EXOC4: variants seen among roughly 807,000 people sequenced by gnomAD.
EXOC4 encodes the protein exocyst complex component 4, also known as SEC8-like 1.
A neutral mutation model predicts 107.2 loss-of-function variants in EXOC4; 71 were observed. The observed-to-expected ratio is 0.66, with a 90% CI of 0.55 to 0.81. The LOEUF (loss-of-function observed/expected upper bound fraction) is 0.81, where lower values mean the gene tolerates loss of function less well. Among genes scored for constraint, EXOC4 ranks in the 30% least tolerant of loss-of-function variants. EXOC4 has a pLI of 0.00. For synonymous variants in EXOC4, 456 were observed against 441.2 expected, an observed-to-expected ratio of 1.03 and a Z score of -0.42; for missense variants, 1,108 against 1,189.6, an observed-to-expected ratio of 0.93 and a Z score of 1.01.
At chr7:133,566,432 T>A (rs1346028596) in intron 9 of EXOC4, among the ~76,000 whole-genome samples, 1 of 152,186 alleles carries the variant, frequency 6.6e-6, no homozygotes, top group Non-Finnish European at 1.5e-5. Flanking sequence ...AAAACATGGT[T>A]TAGCATACAG....
chr7:133,603,328 T>C (rs1801851147), intron 9 of EXOC4, among the ~76,000 whole-genome samples: 1 of 152,222 alleles, frequency 6.6e-6, no homozygotes, highest in Non-Finnish European at 1.5e-5. Flanking sequence ...AAAAAATAAT[T>C]TTTAAACTCA....
chr7:133,759,317 T>C (rs1795986151), intron 10 of EXOC4, among the ~76,000 whole-genome samples: 1 of 152,104 alleles, frequency 6.6e-6, no homozygotes, highest in African/African-American at 2.4e-5. Context: ...TAAACTAAGA[T>C]ATTATTTCTC....
chr7:133,605,710 A>G (rs939648738), intron 9 of EXOC4, among the ~76,000 whole-genome samples: 7 of 152,302 alleles, frequency 4.6e-5, no homozygotes, highest in African/African-American at 1.2e-4. Flanking sequence ...TTGAGAAGCT[A>G]GTTGAAAACC....
intron 10 of EXOC4, among the ~76,000 whole-genome samples, chr7:133,674,470 A>G (rs900296338): frequency 6.6e-6 from 1 of 152,218 alleles, no homozygotes; most frequent in African/African-American, 2.4e-5. Context: ...ATTCAGGTAT[A>G]TAAAAATGAT....
intron 12 of EXOC4, among the ~76,000 whole-genome samples, chr7:133,902,392 G>A (rs930900185): frequency 9.2e-5 from 14 of 152,042 alleles, no homozygotes; most frequent in African/African-American, 3.1e-4. Flanking sequence ...TTATTCACTT[G>A]GTTTCTAGAA....
chr7:133,819,761 G>A (rs547987845), intron 11 of EXOC4, among the ~76,000 whole-genome samples: 1 of 152,240 alleles, frequency 6.6e-6, no homozygotes, highest in Admixed American at 6.5e-5. Flanking sequence ...GGAAAAAAAA[G>A]GCATCAGTAC....
At chr7:133,436,961 TAAA>T (rs536157656) in intron 7 of EXOC4, among the ~76,000 whole-genome samples, 1 of 149,518 alleles carries the variant, frequency 6.7e-6, no homozygotes, top group African/African-American at 2.5e-5. Flanking sequence ...GATGAACTGA[TAAA>T]AAAAAAATAC....
intron 10 of EXOC4, among the ~76,000 whole-genome samples, chr7:133,650,042 A>T (rs775566845): frequency 3.3e-5 from 5 of 152,170 alleles, no homozygotes; most frequent in Non-Finnish European, 5.9e-5. Context: ...AATATACAAA[A>T]CTACTCAAAA....
intron 1 of EXOC4, among the ~76,000 whole-genome samples, chr7:133,257,651 G>T (rs961692284): frequency 1.1e-4 from 17 of 152,170 alleles, no homozygotes; most frequent in Non-Finnish European, 1.9e-4. Context: ...ACAAACTTTG[G>T]TTGTGACTTC....
At chr7:133,329,769 A>G (rs1283970410) in intron 5 of EXOC4, among the ~76,000 whole-genome samples, 1 of 152,184 alleles carries the variant, frequency 6.6e-6, no homozygotes, top group African/African-American at 2.4e-5. Context: ...AGAACAGCAA[A>G]GATTGCTGCC....
rs937121115 is a variant in EXOC4, at chr7:133,803,890, C to T, written c.1515-13435C>T. On this transcript the variant is annotated intron_variant, in intron 10 of 17. Coordinates refer to ENST00000253861, the MANE Select transcript of EXOC4 (RefSeq NM_021807.4). ...ACTATAAAGAATTTAACACAGATGC[C>T]TCTTGAAGGAACAAAGAACTGTAGG... Among the ~76,000 whole-genome samples, 10 of 152,110 alleles carry T rather than the reference C, an allele frequency of 6.6e-5. 1 individual carries two copies. Among genetic ancestry groups the T allele is most frequent in the African/African-American group, 2.4e-4 (10 of 41,432 alleles).
At chr7:133,519,192 A>G (rs959658890) in intron 9 of EXOC4, among the ~76,000 whole-genome samples, 1 of 152,066 alleles carries the variant, frequency 6.6e-6, no homozygotes, top group Non-Finnish European at 1.5e-5. Context: ...AGGTGGGTCA[A>G]TTGCTTGATT....
At chr7:133,425,584 G>A (rs997579065) in intron 7 of EXOC4, among the ~76,000 whole-genome samples, 3 of 152,180 alleles carry the variant, frequency 2.0e-5, no homozygotes, top group African/African-American at 7.2e-5. Context: ...ACCACGTCTG[G>A]CTCAAGACAC....
intron 13 of EXOC4, among the ~76,000 whole-genome samples, chr7:133,933,574 TATC>T (rs1305728760): frequency 6.6e-6 from 1 of 152,194 alleles, no homozygotes; most frequent in African/African-American, 2.4e-5. Flanking sequence ...AATAATGTGT[TATC>T]ATAATAAGCA....
chr7:134,094,495 G>A, the EXOC4 span, among the ~76,000 whole-genome samples: 4 of 152,176 alleles, frequency 2.6e-5, 1 homozygote, highest in South Asian at 6.2e-4. Context: ...ACAAACAAGA[G>A]CTGGTACCAA....
At chr7:133,792,564 A>AAAC (rs1177428366) in intron 10 of EXOC4, among the ~76,000 whole-genome samples, 2 of 151,622 alleles carry the variant, frequency 1.3e-5, no homozygotes, top group East Asian at 1.9e-4. Context: ...AAAAAAAAAA[A>AAAC]AAAAAAAAAC....
intron 11 of EXOC4, among the ~76,000 whole-genome samples, chr7:133,843,443 T>C (rs1230505348): frequency 6.6e-6 from 1 of 152,196 alleles, no homozygotes. Flanking sequence ...TGAATGGAAT[T>C]GCATTCTTGA....
intron 7 of EXOC4, among the ~76,000 whole-genome samples, chr7:133,406,092 AT>A (rs1797210154): frequency 6.6e-6 from 1 of 152,206 alleles, no homozygotes. Context: ...GTGTATAGTG[AT>A]TTACTGCTCA....
the EXOC4 span, among the ~76,000 whole-genome samples, chr7:134,076,385 G>A: frequency 6.6e-6 from 1 of 152,110 alleles, no homozygotes; most frequent in Non-Finnish European, 1.5e-5. Context: ...GGGCGTGGTG[G>A]CAGGCACCTG....
Sources: gnomAD v4.1 joint callset for allele counts (sites outside exome capture counted in the v4.1 genomes callset) on GRCh38, gnomAD v4.1.1 for gene constraint, MANE v1.5 for transcripts, NCBI Gene and HGNC (gene_info 2026-07-23, HGNC 2026-07-21) for gene names.